Variants in NUMB observed in about 807,000 individuals in gnomAD.
NUMB encodes the protein protein numb homolog.
A neutral mutation model predicts 59.7 loss-of-function variants in NUMB; 29 were observed. The observed-to-expected ratio is 0.49, with a 90% CI of 0.36 to 0.66. The LOEUF (loss-of-function observed/expected upper bound fraction) is 0.66. NUMB is among the 30% of genes least tolerant of loss of function. The pLI is 0.00. For missense variants in NUMB, 723 were observed against 822.0 expected (o/e 0.88, Z 1.47); for synonymous variants, 288 against 288.2 (o/e 1.00, Z 0.01).
At chr14:73,297,156 A>C in intron 7 of NUMB, 55 bp downstream of exon 7, 1 of 1,219,868 alleles carries the variant, frequency 8.2e-7, no homozygotes, top group Non-Finnish European at 1.2e-6. Flanking sequence ...GACAAGAGTG[A>C]AACTCCATCT....
chr14:73,333,712 C>T (rs1033091062), intron 4 of NUMB, among the ~76,000 whole-genome samples: 4 of 151,912 alleles, frequency 2.6e-5, no homozygotes, highest in Admixed American at 6.6e-5. Context: ...TTCTTTGATG[C>T]ACAGTAGTTC....
At chr14:73,362,216 C>G (rs10149058) in intron 3 of NUMB, among the ~76,000 whole-genome samples, 37,208 of 151,800 alleles carry the variant, frequency 0.25, 4,883 homozygotes, top group Non-Finnish European at 0.26. Context: ...ATTATCTTAC[C>G]ACTGCACTCC....
intron 11 of NUMB, among the ~76,000 whole-genome samples, chr14:73,280,412 C>T (rs1888540269): frequency 6.7e-6 from 1 of 150,148 alleles, no homozygotes; most frequent in African/African-American, 2.4e-5. Flanking sequence ...TTTTTTAACT[C>T]TCCTGGTAAC....
chr14:73,397,834 C>A (rs1465285132), intron 2 of NUMB, among the ~76,000 whole-genome samples: 2 of 151,918 alleles, frequency 1.3e-5, no homozygotes, highest in Non-Finnish European at 2.9e-5. Context: ...AGTTTTGCAC[C>A]CCCTCTAAAG....
intron 7 of NUMB, among the ~76,000 whole-genome samples, chr14:73,295,288 G>A (rs564138041): frequency 2.0e-5 from 3 of 152,258 alleles, no homozygotes; most frequent in African/African-American, 7.2e-5. Context: ...TACAAGGTGG[G>A]AAGATGGTCC....
chr14:73,315,937 A>G (rs1891061001), intron 6 of NUMB, among the ~76,000 whole-genome samples: 1 of 152,078 alleles, frequency 6.6e-6, no homozygotes, highest in African/African-American at 2.4e-5. Flanking sequence ...CCCAGGCTGG[A>G]GTGCAGTGGC....
chr14:73,411,264 G>A (rs1027571957), intron 1 of NUMB, among the ~76,000 whole-genome samples: 1 of 152,166 alleles, frequency 6.6e-6, no homozygotes, highest in Admixed American at 6.6e-5. Context: ...ATGTTGCGCA[G>A]GCTGAATGAA....
chr14:73,357,567 A>G (rs1159059520), intron 3 of NUMB, among the ~76,000 whole-genome samples: 2 of 151,978 alleles, frequency 1.3e-5, no homozygotes, highest in Non-Finnish European at 2.9e-5. Context: ...ATTTGAGACC[A>G]GCCTGGCCAA....
rs1310872728 is a variant in NUMB, at chr14:73,400,561, C to T, written c.-101+9376G>A. ...TGGAGTGATGAGTATCTTTTACATGCTAATGAGATGACAGTGGCTGGACAT... is the reference window on the plus strand; with the variant it reads ...TGGAGTGATGAGTATCTTTTACATGTTAATGAGATGACAGTGGCTGGACAT... On this transcript the variant is annotated intron_variant, in intron 2 of 12. Coordinates refer to ENST00000555238, the MANE Select transcript of NUMB (RefSeq NM_001005743.2). 2.6e-5 allele frequency among the ~76,000 whole-genome samples: 4 copies of T among 152,132 alleles called. No homozygotes were observed. In the East Asian group the frequency reaches 7.7e-4, roughly 29 times the overall value.
At chr14:73,302,258 G>T (rs1189570760) in intron 6 of NUMB, among the ~76,000 whole-genome samples, 5 of 151,902 alleles carry the variant, frequency 3.3e-5, no homozygotes, top group Admixed American at 6.6e-5. Context: ...CATACTTCTG[G>T]GTGTGGGTTC....
intron 4 of NUMB, among the ~76,000 whole-genome samples, chr14:73,326,150 T>C (rs1256883361): frequency 6.6e-6 from 1 of 152,178 alleles, no homozygotes. Flanking sequence ...TGTTTGTGAA[T>C]TCCTAGGCTC....
chr14:73,442,063 A>G (rs1345393859), intron 1 of NUMB, among the ~76,000 whole-genome samples: 1 of 151,806 alleles, frequency 6.6e-6, no homozygotes, highest in Admixed American at 6.6e-5. Context: ...AAAACAATGA[A>G]AAGAGACCCG....
intron 2 of NUMB, among the ~76,000 whole-genome samples, chr14:73,402,661 C>A (rs1335019788): frequency 2.0e-5 from 3 of 152,182 alleles, no homozygotes; most frequent in Non-Finnish European, 4.4e-5. Flanking sequence ...TAAATTATCT[C>A]CTTCACACTT....
intron 4 of NUMB, among the ~76,000 whole-genome samples, chr14:73,339,651 C>G (rs1892524706): frequency 2.0e-5 from 3 of 152,128 alleles, no homozygotes; most frequent in African/African-American, 7.2e-5. Flanking sequence ...CTCAGCCTCC[C>G]AAAGTGTTGG....
intron 4 of NUMB, among the ~76,000 whole-genome samples, chr14:73,343,431 T>C (rs570952876): frequency 2.6e-5 from 4 of 152,146 alleles, no homozygotes; most frequent in South Asian, 2.1e-4. Context: ...GTAACTACGG[T>C]TGACATTGTT....
intron 1 of NUMB, among the ~76,000 whole-genome samples, chr14:73,445,999 CT>C (rs746539232): frequency 0.062 from 8,596 of 139,728 alleles, 565 homozygotes; most frequent in African/African-American, 0.16. Flanking sequence ...ATAACTTTTT[CT>C]TTTTTTTTTT....
intron 8 of NUMB, among the ~76,000 whole-genome samples, chr14:73,289,939 A>G (rs1889282661): frequency 6.6e-6 from 1 of 152,232 alleles, no homozygotes; most frequent in Admixed American, 6.5e-5. Context: ...CCCAACCAAC[A>G]GCATCATCTG....
chr14:73,359,459 ATTACT>A (rs1345836123), intron 3 of NUMB, among the ~76,000 whole-genome samples: 2 of 152,240 alleles, frequency 1.3e-5, no homozygotes, highest in Non-Finnish European at 2.9e-5. Flanking sequence ...TTAGAATAGT[ATTACT>A]TTAAGAATTA....
chr14:73,299,176 T>C (rs1594878830), intron 6 of NUMB: 1 of 152,260 alleles, frequency 6.6e-6, no homozygotes, highest in East Asian at 1.9e-4. Context: ...TATTTCAGTA[T>C]GGCTTGGTAA....
Sources: gnomAD v4.1 joint callset for allele counts (sites outside exome capture counted in the v4.1 genomes callset) on GRCh38, gnomAD v4.1.1 for gene constraint, MANE v1.5 for transcripts, NCBI Gene and HGNC (gene_info 2026-07-23, HGNC 2026-07-21) for gene names.